Variants in HERPUD2 observed in about 807,000 individuals in gnomAD.
HERPUD2 encodes HERPUD family member 2.
In HERPUD2, 13 loss-of-function variants were observed where a neutral mutation model predicts 49.9. The ratio of observed to expected loss-of-function variants is 0.26; its 90% CI spans 0.17 to 0.41. The LOEUF (loss-of-function observed/expected upper bound fraction) is 0.41, where lower values mean the gene tolerates loss of function less well. Among genes scored for constraint, HERPUD2 ranks in the 10% least tolerant of loss-of-function variants. The pLI is 1.00. For missense variants in HERPUD2, 449 were observed against 492.2 expected (o/e 0.91, Z 0.83); for synonymous variants, 172 against 171.4 (o/e 1.00, Z -0.03).
Position 35,691,491 on chromosome 7 carries a change from C to A in HERPUD2, c.147+2693G>T, listed in dbSNP as rs571104586. Among the ~76,000 whole-genome samples, 8 of 152,288 alleles carry A rather than the reference C, an allele frequency of 5.3e-5. 1 individual carries two copies. In the South Asian group the frequency reaches 1.7e-3, roughly 32 times the overall value. On this transcript the variant is annotated intron_variant, in intron 2 of 8. Coordinates refer to ENST00000311350, the MANE Select transcript of HERPUD2 (RefSeq NM_022373.5). ...TCCACCTACTCCTGACCCATCAGAT[C>A]CAATTAGAGCAATGTTGATGAGAGC... is the stretch of plus-strand genomic sequence containing the variant.
intron 8 of HERPUD2, 87 bp from the exon 9 acceptor site, chr7:35,633,938 A>T: frequency 7.3e-7 from 1 of 1,368,412 alleles, no homozygotes; most frequent in Non-Finnish European, 1.0e-6. Context: ...TTTGTAGAAC[A>T]AAGGACTATG....
intron 4 of HERPUD2, among the ~76,000 whole-genome samples, chr7:35,669,432 G>A (rs1020897212): frequency 2.0e-5 from 3 of 152,162 alleles, no homozygotes; most frequent in African/African-American, 7.2e-5. Context: ...TCTTGACAAG[G>A]AAAGCATACT....
In HERPUD2 at chr7:35,642,228, C is replaced by T. The variant is rs143562384; in HGVS notation, c.495-3756G>A. 5.7e-3 allele frequency among the ~76,000 whole-genome samples: 867 copies of T among 152,202 alleles called. 6 individuals are homozygous for T. The highest frequency in any genetic ancestry group is 0.02 in the African/African-American group (838 of 41,562). On this transcript the variant is annotated intron_variant, in intron 5 of 8. Transcript: ENST00000311350. ...AAAAAAAGCTCAACATCACTGATCA[C>T]TACAGAAATGCAAATCAAAACCATA...
chr7:35,632,979 A>C lies in HERPUD2; in HGVS notation c.*711T>G, dbSNP rs541762869. On this transcript the variant is annotated 3_prime_UTR_variant, in exon 9 of 9. Coordinates refer to ENST00000311350, the MANE Select transcript of HERPUD2 (RefSeq NM_022373.5). ...GAGGTCATTCTGTTTAAAACTTTCA[A>C]GATAATTCACGGAAAACAGATATAT... 2.6e-5 allele frequency: 4 copies of C among 152,560 alleles called. No individual in the cohort carries two copies. In the East Asian group the frequency reaches 7.7e-4, roughly 29 times the overall value. 9.5% of individuals were successfully genotyped at this position (152,560 alleles called of 1,614,324 possible).
intron 2 of HERPUD2, among the ~76,000 whole-genome samples, chr7:35,679,300 C>T (rs1371978468): frequency 6.6e-6 from 1 of 152,166 alleles, no homozygotes; most frequent in African/African-American, 2.4e-5. Flanking sequence ...AAAGCTAGCA[C>T]ATATTGTATT....
At chr7:35,671,126 G>A (rs1785635284) in intron 3 of HERPUD2, among the ~76,000 whole-genome samples, 1 of 151,910 alleles carries the variant, frequency 6.6e-6, no homozygotes, top group Non-Finnish European at 1.5e-5. Context: ...GGGGAGAAAG[G>A]GAAACAAAGC....
intron 3 of HERPUD2, among the ~76,000 whole-genome samples, chr7:35,672,948 C>CA (rs1785674101): frequency 6.6e-6 from 1 of 152,030 alleles, no homozygotes; most frequent in Non-Finnish European, 1.5e-5. Flanking sequence ...CATTTTCTTA[C>CA]AAAAAATGAC....
In HERPUD2 at chr7:35,694,632, A is replaced by C. The variant is rs1451712643; in HGVS notation, c.-297-5T>G. On this transcript the variant is annotated splice_region_variant and splice_polypyrimidine_tract_variant and intron_variant, in intron 1 of 8. Transcript: ENST00000311350. ...CCGTCGTGAGGAGAAAGGAAGCTAT[A>C]CGAAGGAAGGGTGGGAGGGATGAGG... 1.8e-5 allele frequency: 7 copies of C among 383,624 alleles called. No homozygotes were observed. The highest frequency in any genetic ancestry group is 6.1e-5 in the African/African-American group (3 of 49,038). The allele number at this position is 383,624 out of a possible 1,614,324, so 23.8% of individuals were successfully genotyped here.
intron 5 of HERPUD2, among the ~76,000 whole-genome samples, chr7:35,654,598 A>T (rs1785234681): frequency 1.9e-5 from 2 of 102,924 alleles, no homozygotes; most frequent in Non-Finnish European, 4.8e-5. Flanking sequence ...CAGTAATTAA[A>T]AAAAAAAAAA....
chr7:35,638,419 T>C lies in HERPUD2; in HGVS notation c.548A>G (p.Tyr183Cys). ...GQAAPPGFPV[Y>C]PAFSPLQMLW... ...CATCTGCAGTGGGCTAAACGCGGGA[T>C]ACACTGGGAATCCAGGTGGAGCAGC... The change falls in exon 6 of 9, where the codon TAT becomes TGT. Residue 183 changes from tyrosine (Y) to cysteine (C), a missense_variant. By Grantham distance (194) the Tyr-to-Cys change is radical. Transcript: ENST00000311350. The C allele has an allele frequency of 6.2e-7, 1 of 1,613,816 alleles. No individual in the cohort carries two copies. Among genetic ancestry groups the C allele is most frequent in the Non-Finnish European group, 8.5e-7 (1 of 1,179,732 alleles).
intron 2 of HERPUD2, among the ~76,000 whole-genome samples, chr7:35,681,866 T>C (rs1785898962): frequency 6.6e-6 from 1 of 152,014 alleles, no homozygotes. Context: ...TGACTGCCAA[T>C]AGGTATGGAG....
rs536749644 is a variant in HERPUD2, at chr7:35,679,021, A to G, written c.148-5743T>C. On this transcript the variant is annotated intron_variant, in intron 2 of 8. Coordinates refer to ENST00000311350, the MANE Select transcript of HERPUD2 (RefSeq NM_022373.5). ...TAATTTGTTAGTAGACAGGTTTAAA[A>G]CAAATTTTTCACGGAAACAATAGGT... 7.9e-5 allele frequency among the ~76,000 whole-genome samples: 12 copies of G among 152,306 alleles called. No individual in the cohort carries two copies. The South Asian group carries it at 2.3e-3, about 29-fold the overall frequency.
intron 2 of HERPUD2, among the ~76,000 whole-genome samples, chr7:35,681,708 T>C (rs907040231): frequency 6.6e-6 from 1 of 152,102 alleles, no homozygotes; most frequent in African/African-American, 2.4e-5. Context: ...TTGTAAACAT[T>C]ATGCTAAGTT....
At chr7:35,682,778 C>T (rs1340205109) in intron 2 of HERPUD2, among the ~76,000 whole-genome samples, 1 of 151,186 alleles carries the variant, frequency 6.6e-6, no homozygotes, top group East Asian at 1.9e-4. Context: ...CCAACAGCAA[C>T]CAAGCGGAGA....
rs374239945 is a variant in HERPUD2, at chr7:35,667,443, A to G, written c.485T>C (p.Val162Ala). The G allele has an allele frequency of 6.8e-6, 11 of 1,612,774 alleles. No individual in the cohort carries two copies. The highest frequency in any genetic ancestry group is 1.3e-5 in the African/African-American group (1 of 74,908). ...CCACAATTTCACTTACCCTTGCATTACATATGGAAACTGGTGACTCTGTGC... is the reference window on the plus strand; with the variant it reads ...CCACAATTTCACTTACCCTTGCATTGCATATGGAAACTGGTGACTCTGTGC... Reference protein sequence around the residue: ...DQAQSHQFPYVMQGNVDNQFP... With the variant: ...DQAQSHQFPYAMQGNVDNQFP... The change falls in exon 5 of 9, where the codon GTA becomes GCA. Residue 162 changes from valine (V) to alanine (A), a missense_variant. Physicochemically the swap from Val to Ala is moderately conservative, Grantham distance 64. Coordinates refer to ENST00000311350, the MANE Select transcript of HERPUD2 (RefSeq NM_022373.5).
intron 5 of HERPUD2, among the ~76,000 whole-genome samples, chr7:35,646,145 A>G (rs1785051359): frequency 6.6e-6 from 1 of 152,238 alleles, no homozygotes; most frequent in Non-Finnish European, 1.5e-5. Flanking sequence ...AATACTGATT[A>G]TAAGCAACTA....
chr7:35,673,515 A>T (rs1361242593), intron 2 of HERPUD2, among the ~76,000 whole-genome samples: 4 of 152,164 alleles, frequency 2.6e-5, no homozygotes, highest in Non-Finnish European at 5.9e-5. Context: ...TAATTAATAC[A>T]TTTAAAAACC....
chr7:35,639,342 T>C (rs1294518022), intron 5 of HERPUD2, among the ~76,000 whole-genome samples: 2 of 152,168 alleles, frequency 1.3e-5, no homozygotes, highest in African/African-American at 4.8e-5. Context: ...CCAAATTCTA[T>C]TAATTCAGTA....
rs1785558847 is a variant in HERPUD2, at chr7:35,667,425, T to G, written c.494+9A>C. ...AATCACATTCCATAGCTACCACAAT[T>G]TCACTTACCCTTGCATTACATATGG... is the stretch of plus-strand genomic sequence containing the variant. On this transcript the variant is annotated intron_variant, in intron 5 of 8. Transcript: ENST00000311350. 6.2e-7 allele frequency: 1 copy of G among 1,602,852 alleles called. No individual in the cohort carries two copies. Among genetic ancestry groups the G allele is most frequent in the African/African-American group, 1.3e-5 (1 of 74,822 alleles).
Sources: allele counts gnomAD v4.1 joint callset (sites outside exome capture counted in the v4.1 genomes callset), GRCh38; gene constraint gnomAD v4.1.1; transcripts MANE v1.5; gene names NCBI Gene and HGNC (gene_info 2026-07-23, HGNC 2026-07-21).